TTC34: variants seen among roughly 807,000 people sequenced by gnomAD.
TTC34 encodes the protein tetratricopeptide repeat domain 34, also known as tetratricopeptide repeat protein 34.
TTC34 carries 44 observed loss-of-function variants against 40.7 expected under a neutral mutation model. That is an observed-to-expected ratio of 1.08 (90% confidence interval 0.85 to 1.39). The LOEUF (loss-of-function observed/expected upper bound fraction) is 1.39, where lower values mean the gene tolerates loss of function less well. Among genes scored for constraint, TTC34 ranks in the 40% most tolerant of loss-of-function variants. TTC34 has a pLI of 0.00. For missense variants in TTC34, 884 were observed against 838.0 expected (o/e 1.05, Z -0.68); for synonymous variants, 422 against 398.6 (o/e 1.06, Z -0.70).
chr1:2,786,931 C>T (rs1006340655), intron 4 of TTC34, among the ~76,000 whole-genome samples: 13 of 152,194 alleles, frequency 8.5e-5, no homozygotes, highest in Admixed American at 1.3e-4. Context: ...GAGGAAGACG[C>T]GAGAAGGCCC....
chr1:2,696,861 G>T (rs1640891853), intron 6 of TTC34, among the ~76,000 whole-genome samples: 1 of 46,532 alleles, frequency 2.1e-5, no homozygotes, highest in Admixed American at 2.7e-4. Context: ...GCATCCGACA[G>T]CCTGGAGCAG....
chr1:2,791,595 C>T (rs1643664100), intron 2 of TTC34, among the ~76,000 whole-genome samples: 1 of 152,192 alleles, frequency 6.6e-6, no homozygotes, highest in South Asian at 2.1e-4. Context: ...TGAGACTAGC[C>T]ATGCAAGCAG....
intron 6 of TTC34, among the ~76,000 whole-genome samples, chr1:2,750,093 A>G (rs1641266124): frequency 7.3e-6 from 1 of 136,602 alleles, no homozygotes; most frequent in Non-Finnish European, 1.5e-5. Flanking sequence ...ACCCCCAGTG[A>G]GCATCTGACA....
chr1:2,787,757 C>T, intron 3 of TTC34, 51 bp from the exon 4 acceptor site: 1 of 1,422,740 alleles, frequency 7.0e-7, no homozygotes, highest in African/African-American at 1.4e-5. Context: ...AACCCCTCCA[C>T]CTGCCCAGGT....
intron 6 of TTC34, among the ~76,000 whole-genome samples, chr1:2,748,495 C>CTGA (rs1641218619): frequency 2.2e-5 from 3 of 138,642 alleles, no homozygotes; most frequent in African/African-American, 2.6e-5. Flanking sequence ...GGGTGAGCAT[C>CTGA]CGATAGCCTG....
exon 9 of TTC34, chr1:2,640,782 T>A (rs954926904): frequency 2.0e-5 from 3 of 151,546 alleles, no homozygotes; most frequent in Non-Finnish European, 4.4e-5. Flanking sequence ...CTGTCCAACC[T>A]GTAGGATCCC....
At chr1:2,775,625 A>G (rs78885053) in intron 6 of TTC34, 25 of 148,604 alleles carry the variant, frequency 1.7e-4, no homozygotes, top group Admixed American at 1.1e-3. Flanking sequence ...GGAACAGCAC[A>G]TCCCCTCAGG....
intron 6 of TTC34, among the ~76,000 whole-genome samples, chr1:2,767,356 C>T: frequency 1.1e-5 from 1 of 90,680 alleles, no homozygotes; most frequent in Admixed American, 1.2e-4. Context: ...GGAATGTCAT[C>T]CTCACTTCCA....
chr1:2,761,311 G>A (rs1231623505), intron 6 of TTC34, among the ~76,000 whole-genome samples: 2 of 80,352 alleles, frequency 2.5e-5, no homozygotes, highest in East Asian at 3.6e-4. Flanking sequence ...ACAGCCTGGA[G>A]CAGCACCCAC....
rs1393228810 is a variant in TTC34 at position 2,645,977 on chromosome 1, G to A, written c.2227-414C>T. Among the ~76,000 whole-genome samples the A allele has an allele frequency of 1.3e-5, 2 of 152,064 alleles. No homozygotes were observed. Among genetic ancestry groups the A allele is most frequent in the African/African-American group, 2.4e-5 (1 of 41,382 alleles). On this transcript the variant is annotated intron_variant, in intron 6 of 8. Coordinates refer to ENST00000401095, the Ensembl canonical transcript of TTC34. The surrounding 1 kb of genome is among the most constrained non-coding windows in gnomAD (Gnocchi z 4.7). ...CATCTGTCACCTCACAGTGGGGGAC[G>A]CTGGAGCTCCTTGGGTATCCGGGTG... is the stretch of plus-strand genomic sequence containing the variant.
At chr1:2,692,387 C>G (rs1259430248) in intron 6 of TTC34, among the ~76,000 whole-genome samples, 1 of 76,832 alleles carries the variant, frequency 1.3e-5, no homozygotes, top group African/African-American at 4.1e-5. Context: ...TCCACACCCC[C>G]AGGTGAGCAT....
intron 6 of TTC34, among the ~76,000 whole-genome samples, chr1:2,750,980 T>A (rs1360871144): frequency 4.3e-4 from 42 of 97,820 alleles, no homozygotes; most frequent in African/African-American, 5.1e-4. Flanking sequence ...CAGGTGCGCA[T>A]GTGATGGTCT....
intron 6 of TTC34, among the ~76,000 whole-genome samples, chr1:2,681,828 C>G (rs1366114283): frequency 8.1e-6 from 1 of 123,034 alleles, no homozygotes; most frequent in African/African-American, 2.8e-5. Flanking sequence ...CCGACACCCA[C>G]AGGTGAGCAT....
chr1:2,693,034 G>A (rs1220389429), intron 6 of TTC34, among the ~76,000 whole-genome samples: 2 of 74,150 alleles, frequency 2.7e-5, no homozygotes, highest in African/African-American at 9.2e-5. Context: ...ACTCCCAGGC[G>A]AGTATCTGTA....
intron 6 of TTC34, among the ~76,000 whole-genome samples, chr1:2,747,726 G>A (rs1472786995): frequency 1.2e-4 from 12 of 100,290 alleles, no homozygotes; most frequent in African/African-American, 6.1e-4. Flanking sequence ...ACCCCCAGGC[G>A]AGCATCTGAC....
intron 2 of TTC34, among the ~76,000 whole-genome samples, chr1:2,793,329 G>T (rs1351325449): frequency 1.3e-5 from 2 of 152,062 alleles, no homozygotes; most frequent in African/African-American, 4.8e-5. Context: ...GCCAAGTCTT[G>T]TATTGAATTT....
intron 6 of TTC34, among the ~76,000 whole-genome samples, chr1:2,773,191 T>G (rs1373008473): frequency 7.7e-6 from 1 of 130,428 alleles, no homozygotes; most frequent in African/African-American, 2.8e-5. Context: ...CAGGTGAGCA[T>G]GTGACAGCCT....
chr1:2,675,666 C>A (rs1420170448), intron 6 of TTC34, among the ~76,000 whole-genome samples: 1,122 of 123,210 alleles, frequency 9.1e-3, no homozygotes, highest in Non-Finnish European at 0.015. Context: ...ATCCGACAGC[C>A]TGGAGCAGCA....
intron 6 of TTC34, among the ~76,000 whole-genome samples, chr1:2,696,516 A>C (rs1465998022): frequency 2.1e-4 from 8 of 37,508 alleles, no homozygotes; most frequent in African/African-American, 3.1e-4. Flanking sequence ...GCAGCACCCC[A>C]CACCCCCAGG....
Sources: allele counts gnomAD v4.1 joint callset (sites outside exome capture counted in the v4.1 genomes callset), GRCh38; gene constraint gnomAD v4.1.1; non-coding constraint Gnocchi (gnomAD v3.1); transcripts MANE v1.5; gene names NCBI Gene and HGNC (gene_info 2026-07-23, HGNC 2026-07-21).